The following FRAS1 variants were observed in gnomAD, a reference collection of about 807,000 sequenced individuals.
The protein encoded by FRAS1 is extracellular matrix organizing protein FRAS1.
Under a neutral mutation model 435.2 loss-of-function variants are expected in FRAS1, and 290 were observed. The ratio of observed to expected loss-of-function variants is 0.67; its 90% confidence interval spans 0.61 to 0.73. The LOEUF (loss-of-function observed/expected upper bound fraction) is 0.73. Ranked by LOEUF, FRAS1 falls within the 30% of genes least tolerant of loss-of-function variation. The pLI, the probability that FRAS1 is intolerant of heterozygous loss-of-function variation, is 0.00. For synonymous variants in FRAS1, 1,800 were observed against 1,851.0 expected (o/e 0.97, Z 0.71); for missense variants, 4,860 against 5,001.5 (o/e 0.97, Z 0.85).
intron 2 of FRAS1, among the ~76,000 whole-genome samples, chr4:78,182,597 G>A (rs1405845009): frequency 6.6e-6 from 1 of 151,804 alleles, no homozygotes; most frequent in Non-Finnish European, 1.5e-5. Flanking sequence ...GCCCAGAGGG[G>A]CCAGGCGCAG....
intron 2 of FRAS1, among the ~76,000 whole-genome samples, chr4:78,225,865 A>G (rs1345500740): frequency 6.6e-6 from 1 of 152,086 alleles, no homozygotes; most frequent in Non-Finnish European, 1.5e-5. Flanking sequence ...CAGTCTGACA[A>G]TTTTTATCTT....
At chr4:78,503,186 T>G (rs1420501427) in intron 61 of FRAS1, among the ~76,000 whole-genome samples, 1 of 152,220 alleles carries the variant, frequency 6.6e-6, no homozygotes, top group Non-Finnish European at 1.5e-5. Context: ...CTTTTCTTGT[T>G]GTGTCTCTGC....
chr4:78,207,093 T>C (rs972725644), intron 2 of FRAS1, among the ~76,000 whole-genome samples: 2 of 152,228 alleles, frequency 1.3e-5, no homozygotes, highest in Non-Finnish European at 2.9e-5. Flanking sequence ...CAGTGAATAC[T>C]GTGATGTTTA....
intron 2 of FRAS1, among the ~76,000 whole-genome samples, chr4:78,186,464 C>T (rs530756527): frequency 1.5e-4 from 23 of 152,240 alleles, no homozygotes; most frequent in African/African-American, 5.5e-4. Context: ...TTGGAGCCAC[C>T]GTATTAAGTT....
chr4:78,427,307 T>G (rs1734037002), intron 35 of FRAS1, among the ~76,000 whole-genome samples: 1 of 151,962 alleles, frequency 6.6e-6, no homozygotes, highest in African/African-American at 2.4e-5. Context: ...ACCAGGAGGC[T>G]CTCACCAAAT....
intron 59 of FRAS1, among the ~76,000 whole-genome samples, chr4:78,489,963 G>GAAAATA: frequency 1.6e-4 from 1 of 6,080 alleles, no homozygotes; most frequent in Non-Finnish European, 7.7e-4. Flanking sequence ...AAAGCTAGTG[G>GAAAATA]AAAACAAAAA....
chr4:78,241,894 GA>G (rs576136212), intron 3 of FRAS1, among the ~76,000 whole-genome samples: 20 of 150,418 alleles, frequency 1.3e-4, no homozygotes, highest in African/African-American at 4.1e-4. Flanking sequence ...GACACAGGTA[GA>G]AAAAAAAACA....
chr4:78,412,172 G>T (rs897796276), intron 31 of FRAS1, among the ~76,000 whole-genome samples: 4 of 146,528 alleles, frequency 2.7e-5, no homozygotes, highest in African/African-American at 1.1e-4. Flanking sequence ...GCTTTCTGTT[G>T]GAGTAACTTT....
chr4:78,315,769 G>C, intron 16 of FRAS1, 35 bp downstream of exon 16: 1 of 1,611,748 alleles, frequency 6.2e-7, no homozygotes, highest in South Asian at 1.1e-5. Context: ...TCATCAAAAA[G>C]TATTGAGTAC....
At chr4:78,372,072 C>T (rs1286794137) in intron 23 of FRAS1, among the ~76,000 whole-genome samples, 1 of 152,192 alleles carries the variant, frequency 6.6e-6, no homozygotes, top group Non-Finnish European at 1.5e-5. Context: ...GTGACTATCC[C>T]ATAGGTGCTT....
intron 52 of FRAS1, 148 bp downstream of exon 52, chr4:78,472,478 T>TAAA: frequency 8.6e-6 from 5 of 582,334 alleles, no homozygotes; most frequent in Non-Finnish European, 1.3e-5. Context: ...CCATCCAACT[T>TAAA]AAGAATTTTA....
chr4:78,178,752 A>G (rs1417100364), intron 2 of FRAS1, among the ~76,000 whole-genome samples: 1 of 152,154 alleles, frequency 6.6e-6, no homozygotes, highest in Non-Finnish European at 1.5e-5. Context: ...AATTACCTCT[A>G]CAAAGACCCT....
At chr4:78,211,693 ATTG>A (rs914188031) in intron 2 of FRAS1, among the ~76,000 whole-genome samples, 2 of 152,174 alleles carry the variant, frequency 1.3e-5, no homozygotes, top group Non-Finnish European at 2.9e-5. Flanking sequence ...TTTAAAAAAA[ATTG>A]TTGTAATATA....
intron 2 of FRAS1, among the ~76,000 whole-genome samples, chr4:78,191,513 G>A (rs894814899): frequency 2.7e-5 from 4 of 146,342 alleles, no homozygotes; most frequent in Non-Finnish European, 4.5e-5. Flanking sequence ...CCAAATCCTC[G>A]GGATTTGTTT....
intron 27 of FRAS1, among the ~76,000 whole-genome samples, chr4:78,381,820 G>C (rs78776962): frequency 6.6e-6 from 1 of 152,226 alleles, no homozygotes; most frequent in African/African-American, 2.4e-5. Context: ...AATCCTCACA[G>C]TACTCTTTTT....
intron 2 of FRAS1, among the ~76,000 whole-genome samples, chr4:78,100,211 G>C (rs1212234377): frequency 1.3e-5 from 2 of 152,182 alleles, no homozygotes; most frequent in African/African-American, 4.8e-5. Context: ...TAGTCACTCT[G>C]TTCCAAGTAA....
At chr4:78,247,724 T>C (rs1725309188) in intron 4 of FRAS1, among the ~76,000 whole-genome samples, 2 of 152,164 alleles carry the variant, frequency 1.3e-5, no homozygotes, top group South Asian at 2.1e-4. Flanking sequence ...CAGGGTACTT[T>C]TCCCTCCTGC....
chr4:78,234,570 G>T (rs1323629261), intron 2 of FRAS1, among the ~76,000 whole-genome samples: 1 of 152,176 alleles, frequency 6.6e-6, no homozygotes, highest in Non-Finnish European at 1.5e-5. Context: ...GGAGTAGACT[G>T]TAATAGTTAC....
chr4:78,085,562 C>T (rs528809551), intron 2 of FRAS1, among the ~76,000 whole-genome samples: 1 of 152,212 alleles, frequency 6.6e-6, no homozygotes, highest in South Asian at 2.1e-4. Flanking sequence ...GTCCTCAACC[C>T]TGTCTTCTGG....
Sources: gnomAD v4.1 joint callset for allele counts (sites outside exome capture counted in the v4.1 genomes callset) on GRCh38, gnomAD v4.1.1 for gene constraint, MANE v1.5 for transcripts, NCBI Gene and HGNC (gene_info 2026-07-23, HGNC 2026-07-21) for gene names.